Variants in LDLRAD4 observed in about 807,000 individuals in gnomAD.
LDLRAD4 encodes the protein low density lipoprotein receptor class A domain containing 4.
Under a neutral mutation model 17.0 loss-of-function variants are expected in LDLRAD4, and 5 were observed. The observed-to-expected ratio is 0.29, with a 90% CI of 0.15 to 0.62. LDLRAD4 has a LOEUF of 0.62. LDLRAD4 is among the 20% of genes least tolerant of loss of function. The probability of loss-of-function intolerance (pLI) is 0.84; values close to 1 mark genes in which losing one functional copy is unlikely to be tolerated. For missense variants in LDLRAD4, 340 were observed against 424.7 expected, an observed-to-expected ratio of 0.80 and a Z score of 1.75; for synonymous variants, 168 against 171.8, an observed-to-expected ratio of 0.98 and a Z score of 0.17.
intron 3 of LDLRAD4, among the ~76,000 whole-genome samples, chr18:13,518,237 C>T (rs1601032129): frequency 6.6e-6 from 1 of 152,168 alleles, no homozygotes. Context: ...CTCCTTCTCT[C>T]TCTTCTGTAT....
At chr18:13,273,198 C>T (rs562180094), upstream of LDLRAD4, among the ~76,000 whole-genome samples, 6 of 152,102 alleles carry the variant, frequency 3.9e-5, no homozygotes, top group South Asian at 4.2e-4. Flanking sequence ...GGGAAGGGTG[C>T]CTTTCTTTTC....
chr18:13,229,527 CT>C (rs2041968341), intron 1 of LDLRAD4, among the ~76,000 whole-genome samples: 1 of 152,156 alleles, frequency 6.6e-6, no homozygotes, highest in South Asian at 2.1e-4. Context: ...CAGTTCCCGC[CT>C]TTTGGAGACA....
chr18:13,361,532 A>G (rs2083670527), intron 1 of LDLRAD4, among the ~76,000 whole-genome samples: 1 of 152,196 alleles, frequency 6.6e-6, no homozygotes, highest in Non-Finnish European at 1.5e-5. Flanking sequence ...CCATGGCCTT[A>G]AGCCAGATTT....
At chr18:13,255,895 C>T (rs1219181230) in intron 1 of LDLRAD4, among the ~76,000 whole-genome samples, 1 of 152,104 alleles carries the variant, frequency 6.6e-6, no homozygotes, top group Non-Finnish European at 1.5e-5. Context: ...TGGCTTTGAT[C>T]ATTGCTTTTA....
At chr18:13,238,770 G>T (rs1163497969) in intron 1 of LDLRAD4, among the ~76,000 whole-genome samples, 3 of 152,228 alleles carry the variant, frequency 2.0e-5, no homozygotes, top group African/African-American at 7.2e-5. Flanking sequence ...CTGTGTTTCT[G>T]TGTGGAAATG....
At chr18:13,262,194 A>C (rs111287341) in intron 1 of LDLRAD4, among the ~76,000 whole-genome samples, 8,885 of 112,584 alleles carry the variant, frequency 0.079, 484 homozygotes, top group East Asian at 0.21. Context: ...CTGTGCATGG[A>C]AACTGAGTCC....
At chr18:13,397,546 C>T (rs2086801922) in intron 2 of LDLRAD4, among the ~76,000 whole-genome samples, 1 of 152,230 alleles carries the variant, frequency 6.6e-6, no homozygotes, top group African/African-American at 2.4e-5. Context: ...GGATTGCAGG[C>T]ATGAGCCACT....
chr18:13,529,989 A>G (rs1764618656), intron 3 of LDLRAD4, among the ~76,000 whole-genome samples: 1 of 152,192 alleles, frequency 6.6e-6, no homozygotes, highest in Non-Finnish European at 1.5e-5. Flanking sequence ...ATCTCAGATA[A>G]TTTGAGGTGA....
At chr18:13,358,655 T>G (rs1370731153) in intron 1 of LDLRAD4, among the ~76,000 whole-genome samples, 1 of 152,202 alleles carries the variant, frequency 6.6e-6, no homozygotes, top group Non-Finnish European at 1.5e-5. Flanking sequence ...AGACGAAAAC[T>G]ACTAATTCTA....
At chr18:13,316,979 C>T (rs1442800332) in intron 1 of LDLRAD4, among the ~76,000 whole-genome samples, 2 of 152,120 alleles carry the variant, frequency 1.3e-5, no homozygotes, top group South Asian at 2.1e-4. Flanking sequence ...CAGTTAATAC[C>T]GAGATTGTCA....
intron 1 of LDLRAD4, among the ~76,000 whole-genome samples, chr18:13,386,425 A>G (rs1172194843): frequency 1.3e-5 from 2 of 151,756 alleles, no homozygotes; most frequent in Non-Finnish European, 2.9e-5. Flanking sequence ...CTGGATTGCA[A>G]TGGCGCGATC....
chr18:13,584,928 C>A (rs1189489393), intron 3 of LDLRAD4, among the ~76,000 whole-genome samples: 1 of 152,214 alleles, frequency 6.6e-6, no homozygotes, highest in Non-Finnish European at 1.5e-5. Flanking sequence ...TTGCTGCCCA[C>A]GTAGGCAATT....
intron 1 of LDLRAD4, among the ~76,000 whole-genome samples, chr18:13,252,291 G>A (rs1249082176): frequency 6.6e-6 from 1 of 152,150 alleles, no homozygotes; most frequent in African/African-American, 2.4e-5. Flanking sequence ...ACCACACCCA[G>A]CTAATTTTTG....
At chr18:13,429,309 C>A (rs1275801399) in intron 2 of LDLRAD4, among the ~76,000 whole-genome samples, 5 of 149,440 alleles carry the variant, frequency 3.3e-5, no homozygotes, top group Non-Finnish European at 1.5e-5. Flanking sequence ...AGAAATTAGA[C>A]ACAGTGAGTA....
intron 3 of LDLRAD4, among the ~76,000 whole-genome samples, chr18:13,589,844 T>C (rs2094987150): frequency 6.6e-6 from 1 of 152,034 alleles, no homozygotes; most frequent in Admixed American, 6.5e-5. Flanking sequence ...AGGGAGGGAA[T>C]GGAGGGGCCC....
rs142498954 is a variant in LDLRAD4 at position 13,560,519 on chromosome 18, G to A, written c.182-60598G>A. On this transcript the variant is annotated intron_variant, in intron 3 of 5. Coordinates refer to ENST00000359446, the Ensembl canonical transcript of LDLRAD4. ...TCTTCCCATGGGCTCCTATGGATTT[G>A]CCCTTCAGATGACCTGGTAGGGCTC... Among the ~76,000 whole-genome samples the A allele has an allele frequency of 2.6e-5, 4 of 152,344 alleles. No homozygotes were observed. The East Asian group carries it at 7.7e-4, about 29-fold the overall frequency.
intron 3 of LDLRAD4, among the ~76,000 whole-genome samples, chr18:13,441,126 C>T (rs1339719713): frequency 6.6e-6 from 1 of 152,202 alleles, no homozygotes; most frequent in Non-Finnish European, 1.5e-5. Context: ...TGTGTGGCTT[C>T]CCAGGGGAGG....
intron 1 of LDLRAD4, among the ~76,000 whole-genome samples, chr18:13,381,669 C>G (rs1004005937): frequency 7.9e-5 from 12 of 152,342 alleles, no homozygotes; most frequent in South Asian, 4.1e-4. Context: ...TCCATGAGCT[C>G]TGAGGCACTC....
At chr18:13,278,728 A>G (rs763647295) in intron 1 of LDLRAD4, among the ~76,000 whole-genome samples, 7 of 152,152 alleles carry the variant, frequency 4.6e-5, no homozygotes, top group African/African-American at 1.7e-4. Context: ...ATCCCTTTCT[A>G]GAATGTAAGC....
Sources: allele counts gnomAD v4.1 joint callset (sites outside exome capture counted in the v4.1 genomes callset), GRCh38; gene constraint gnomAD v4.1.1; transcripts MANE v1.5; gene names NCBI Gene and HGNC (gene_info 2026-07-23, HGNC 2026-07-21).